Variants in KHDC4 observed in about 807,000 individuals in gnomAD.
KHDC4 encodes the protein KH domain containing 4, pre-mRNA splicing factor.
Under a neutral mutation model 74.5 loss-of-function variants are expected in KHDC4, and 19 were observed. That is an observed-to-expected ratio of 0.26 (90% CI 0.18 to 0.37). KHDC4 has a LOEUF of 0.37. KHDC4 is among the 10% of genes least tolerant of loss of function. The probability of loss-of-function intolerance (pLI) is 1.00; values close to 1 mark genes in which losing one functional copy is unlikely to be tolerated. For missense variants in KHDC4, 632 were observed against 754.1 expected (o/e 0.84, Z 1.90); for synonymous variants, 253 against 266.1 (o/e 0.95, Z 0.48).
chr1:155,916,498 A>G (rs1451432041), intron 12 of KHDC4, 127 bp downstream of exon 12: 3 of 684,888 alleles, frequency 4.4e-6, no homozygotes, highest in Admixed American at 2.6e-5. Context: ...CAACAAACAG[A>G]AGCATATTTG....
At chr1:155,923,825 C>G in intron 7 of KHDC4, 138 bp from the exon 8 acceptor site, 1 of 618,296 alleles carries the variant, frequency 1.6e-6, no homozygotes, top group Admixed American at 3.0e-5. Context: ...CTGAAAATCA[C>G]AAAACAGAAA....
intron 4 of KHDC4, 39 bp from the exon 5 acceptor site, chr1:155,927,195 CA>C: frequency 6.4e-7 from 1 of 1,556,902 alleles, no homozygotes; most frequent in Non-Finnish European, 8.8e-7. Context: ...TCAATGTGGT[CA>C]AAACCAAAAA....
chr1:155,922,273 G>A (rs1421212928), intron 8 of KHDC4, among the ~76,000 whole-genome samples: 1 of 151,272 alleles, frequency 6.6e-6, no homozygotes, highest in Non-Finnish European at 1.5e-5. Flanking sequence ...AGCCTCCCAA[G>A]TAGCTGGGAC....
At chr1:155,925,894 C>T in intron 6 of KHDC4, 51 bp from the exon 7 acceptor site, 2 of 1,392,826 alleles carry the variant, frequency 1.4e-6, no homozygotes, top group East Asian at 2.3e-5. Context: ...TAATTAAATC[C>T]TCAATCTTTG....
intron 4 of KHDC4, among the ~76,000 whole-genome samples, chr1:155,928,183 G>A (rs945626386): frequency 2.0e-5 from 3 of 152,070 alleles, no homozygotes; most frequent in East Asian, 1.9e-4. Flanking sequence ...AGACCAGCCT[G>A]TCCAACATCG....
chr1:155,915,108 A>C (rs567435441), intron 13 of KHDC4: 1 of 151,498 alleles, frequency 6.6e-6, no homozygotes, highest in South Asian at 2.1e-4. Flanking sequence ...TTTTTTAGAA[A>C]CTATTTTCTC....
At chr1:155,933,447 G>A in intron 2 of KHDC4, 186 bp downstream of exon 2, 2 of 462,406 alleles carry the variant, frequency 4.3e-6, no homozygotes, top group Non-Finnish European at 7.8e-6. Flanking sequence ...CACCATGCCC[G>A]ACTAATTTTT....
intron 7 of KHDC4, among the ~76,000 whole-genome samples, chr1:155,924,099 C>T (rs1673929301): frequency 6.6e-6 from 1 of 152,082 alleles, no homozygotes; most frequent in South Asian, 2.1e-4. Flanking sequence ...AGGCGGATCA[C>T]GAGGTCAGGA....
intron 7 of KHDC4, among the ~76,000 whole-genome samples, chr1:155,925,248 G>C (rs1173603802): frequency 6.6e-6 from 1 of 151,566 alleles, no homozygotes; most frequent in Non-Finnish European, 1.5e-5. Flanking sequence ...AGCCAGGATG[G>C]TCTCGATCTC....
chr1:155,917,784 T>C, intron 10 of KHDC4, 112 bp from the exon 11 acceptor site: 1 of 902,596 alleles, frequency 1.1e-6, no homozygotes, highest in Non-Finnish European at 1.6e-6. Context: ...GAATTTTGCA[T>C]CTTCAGGTCC....
intron 6 of KHDC4, 55 bp from the exon 7 acceptor site, chr1:155,925,898 A>T: frequency 1.5e-6 from 2 of 1,350,378 alleles, no homozygotes; most frequent in East Asian, 2.3e-5. Flanking sequence ...TAAATCCTCA[A>T]TCTTTGAAAT....
At chr1:155,924,447 GATTC>G (rs1380397755) in intron 7 of KHDC4, among the ~76,000 whole-genome samples, 3 of 151,990 alleles carry the variant, frequency 2.0e-5, no homozygotes, top group Non-Finnish European at 4.4e-5. Context: ...CTCCTGACCT[GATTC>G]ATCCGCCTCG....
chr1:155,918,433 C>T (rs1418051078), intron 10 of KHDC4, among the ~76,000 whole-genome samples: 1 of 152,140 alleles, frequency 6.6e-6, no homozygotes, highest in African/African-American at 2.4e-5. Flanking sequence ...TCTGTCTCAG[C>T]TTCCCAAAGT....
chr1:155,928,577 A>G (rs996424945), intron 4 of KHDC4, among the ~76,000 whole-genome samples: 2 of 133,712 alleles, frequency 1.5e-5, no homozygotes, highest in African/African-American at 5.4e-5. Context: ...ATCACAAACT[A>G]TAACCATCAT....
intron 7 of KHDC4, 39 bp downstream of exon 7, chr1:155,925,593 G>A: frequency 6.5e-7 from 1 of 1,546,112 alleles, no homozygotes; most frequent in South Asian, 1.1e-5. Context: ...CCAACAAGTT[G>A]ACAAGAATTC....
chr1:155,913,828 T>C lies in KHDC4; in HGVS notation c.*293A>G, dbSNP rs938312255. The C allele has an allele frequency of 2.2e-5, 8 of 368,076 alleles. No homozygotes were observed. The highest frequency in any genetic ancestry group is 4.1e-5 in the African/African-American group (2 of 48,592). The allele number at this position is 368,076 out of a possible 1,614,324, so 22.8% of individuals were successfully genotyped here. On this transcript the variant is annotated 3_prime_UTR_variant, in exon 14 of 14. Transcript: ENST00000368321. ...AAAGGCTGACCAGGTCAAATGTGTA[T>C]GGGAACGACCCTGTTAGGATGCTTT... is the stretch of plus-strand genomic sequence containing the variant.
At chr1:155,918,909 A>G (rs753863186) in intron 10 of KHDC4, among the ~76,000 whole-genome samples, 12 of 151,822 alleles carry the variant, frequency 7.9e-5, no homozygotes, top group South Asian at 2.1e-4. Context: ...TTACATCCCA[A>G]TATCACACAG....
In KHDC4 at chr1:155,933,831, G is replaced by T; in HGVS notation, c.57C>A (p.Asp19Glu). ...AGAGAAGTGGGGCTGGAGCTGGTTGGTCCCATTTGCTGCGGCGCCTACATG... is the reference window on the plus strand; with the variant it reads ...AGAGAAGTGGGGCTGGAGCTGGTTGTTCCCATTTGCTGCGGCGCCTACATG... ...PGAGGRRSKW[D>E]QPAPAPLLFL... Residue 19 changes from aspartate (D) to glutamate (E), a missense_variant, in exon 2 of 14, where the codon GAC becomes GAA. By Grantham distance (45) the Asp-to-Glu change is conservative. This residue lies in a region of KHDC4 where 104 missense variants were observed against 78.1 expected (regional missense o/e 1.33). Coordinates refer to ENST00000368321, the MANE Select transcript of KHDC4 (RefSeq NM_014949.4). The T allele has an allele frequency of 6.4e-7, 1 of 1,566,290 alleles. No homozygotes were observed. The highest frequency in any genetic ancestry group is 8.7e-7 in the Non-Finnish European group (1 of 1,153,604).
intron 7 of KHDC4, among the ~76,000 whole-genome samples, chr1:155,925,359 G>A (rs1437896023): frequency 6.6e-6 from 1 of 151,614 alleles, no homozygotes; most frequent in Non-Finnish European, 1.5e-5. Context: ...GGAGAGATGG[G>A]GTTTTGCTAT....
Sources: allele counts gnomAD v4.1 joint callset (sites outside exome capture counted in the v4.1 genomes callset), GRCh38; gene constraint gnomAD v4.1.1; regional missense constraint gnomAD v4.1.1; transcripts MANE v1.5; gene names NCBI Gene and HGNC (gene_info 2026-07-23, HGNC 2026-07-21).